Variants in KIDINS220 observed in about 807,000 individuals in gnomAD.
KIDINS220 encodes the protein kinase D-interacting substrate of 220 kDa.
Under a neutral mutation model 157.6 loss-of-function variants are expected in KIDINS220, and 63 were observed. The observed-to-expected ratio is 0.40, with a 90% CI of 0.33 to 0.49. KIDINS220 has a LOEUF of 0.49. Ranked by LOEUF, KIDINS220 falls within the 20% of genes least tolerant of loss-of-function variation. The pLI is 0.66. For synonymous variants in KIDINS220, 732 were observed against 783.6 expected (o/e 0.93, Z 1.10); for missense variants, 1,772 against 2,171.2 (o/e 0.82, Z 3.65).
chr2:8,809,591 C>T (rs1384916218), intron 6 of KIDINS220, among the ~76,000 whole-genome samples: 3 of 151,694 alleles, frequency 2.0e-5, no homozygotes, highest in Non-Finnish European at 2.9e-5. Flanking sequence ...AATCCGCATT[C>T]ACATCATTTC....
At chr2:8,801,200 T>G (rs763122978) in intron 8 of KIDINS220, among the ~76,000 whole-genome samples, 8 of 152,350 alleles carry the variant, frequency 5.3e-5, no homozygotes, top group South Asian at 2.1e-4. Flanking sequence ...CATAAATATT[T>G]TATTATTTAC....
At chr2:8,787,121 C>T (rs1672519810) in intron 15 of KIDINS220, among the ~76,000 whole-genome samples, 1 of 151,880 alleles carries the variant, frequency 6.6e-6, no homozygotes, top group Non-Finnish European at 1.5e-5. Context: ...AAAAATACCA[C>T]CTCATTAATT....
At chr2:8,834,388 G>A (rs1462969367) in intron 1 of KIDINS220, among the ~76,000 whole-genome samples, 1 of 151,692 alleles carries the variant, frequency 6.6e-6, no homozygotes, top group Non-Finnish European at 1.5e-5. Context: ...GTGACTTTCT[G>A]TACATACGTC....
downstream of KIDINS220, chr2:8,725,650 A>C (rs892169258): frequency 6.6e-6 from 1 of 152,236 alleles, no homozygotes. Context: ...GGGTACTAAG[A>C]TCTACAGCGC....
chr2:8,745,048 A>C (rs1666351197), intron 26 of KIDINS220, among the ~76,000 whole-genome samples: 1 of 152,170 alleles, frequency 6.6e-6, no homozygotes, highest in African/African-American at 2.4e-5. Context: ...TCATTTCAAA[A>C]TTTGCCTAAT....
chr2:8,831,667 A>C (rs938698852), intron 1 of KIDINS220, among the ~76,000 whole-genome samples: 3 of 152,104 alleles, frequency 2.0e-5, no homozygotes, highest in African/African-American at 7.2e-5. Context: ...TCTCCCTTAG[A>C]CTAGAAGTTC....
chr2:8,744,663 T>C (rs577125663), intron 26 of KIDINS220, among the ~76,000 whole-genome samples: 9 of 151,796 alleles, frequency 5.9e-5, no homozygotes, highest in Admixed American at 2.0e-4. Flanking sequence ...CAGAGCTCGA[T>C]GGGCTACACA....
chr2:8,721,264 C>T (rs756396802), downstream of KIDINS220: 3 of 152,148 alleles, frequency 2.0e-5, no homozygotes, highest in Admixed American at 6.5e-5. Flanking sequence ...TGACAAGAGA[C>T]ATATGAAAGG....
intron 5 of KIDINS220, 100 bp downstream of exon 5, chr2:8,813,137 A>C (rs1676563544): frequency 1.5e-6 from 1 of 671,884 alleles, no homozygotes; most frequent in Non-Finnish European, 2.6e-6. Flanking sequence ...AAGATAAAGA[A>C]TATTTCTACC....
At chr2:8,759,294 T>C (rs751789064) in intron 22 of KIDINS220, among the ~76,000 whole-genome samples, 10 of 152,114 alleles carry the variant, frequency 6.6e-5, no homozygotes, top group Non-Finnish European at 1.3e-4. Flanking sequence ...TAAAAGCACT[T>C]GTATAAGCTG....
intron 22 of KIDINS220, among the ~76,000 whole-genome samples, chr2:8,769,742 C>G (rs1370715452): frequency 6.6e-6 from 1 of 152,030 alleles, no homozygotes; most frequent in Non-Finnish European, 1.5e-5. Flanking sequence ...ACTACAGAAC[C>G]AAGAGAAAAA....
chr2:8,736,033 G>A (rs1390106166), intron 27 of KIDINS220, among the ~76,000 whole-genome samples: 2 of 152,216 alleles, frequency 1.3e-5, no homozygotes, highest in African/African-American at 2.4e-5. Context: ...GGACTAGCAC[G>A]AGCCAGCTCT....
intron 22 of KIDINS220, among the ~76,000 whole-genome samples, chr2:8,764,609 A>ATCT (rs1669213248): frequency 6.6e-6 from 1 of 152,220 alleles, no homozygotes; most frequent in South Asian, 2.1e-4. Context: ...TGTACTGAGA[A>ATCT]GCTACTATGT....
intron 9 of KIDINS220, among the ~76,000 whole-genome samples, chr2:8,798,868 G>A (rs1322973289): frequency 2.0e-5 from 3 of 152,008 alleles, no homozygotes; most frequent in African/African-American, 7.3e-5. Flanking sequence ...ACAAAAAAAC[G>A]AACTCAAACA....
intron 22 of KIDINS220, chr2:8,757,348 C>A: frequency 9.5e-7 from 1 of 1,054,374 alleles, no homozygotes; most frequent in East Asian, 8.3e-5. Flanking sequence ...ATTACCCTTT[C>A]AACTAAATAT....
intron 15 of KIDINS220, among the ~76,000 whole-genome samples, chr2:8,788,244 A>T (rs1462143578): frequency 6.6e-6 from 1 of 151,922 alleles, no homozygotes; most frequent in Admixed American, 6.6e-5. Context: ...TTTTTGGAAC[A>T]TACATTGAGA....
At chr2:8,831,477 A>C (rs1018960010) in intron 1 of KIDINS220, among the ~76,000 whole-genome samples, 2 of 152,154 alleles carry the variant, frequency 1.3e-5, no homozygotes, top group African/African-American at 2.4e-5. Context: ...ATATGCCTGA[A>C]CAGCTCCTAC....
intron 6 of KIDINS220, among the ~76,000 whole-genome samples, chr2:8,811,274 A>T (rs1407156845): frequency 6.6e-6 from 1 of 150,668 alleles, no homozygotes. Context: ...CGCTACTGGA[A>T]ATAATGGAGG....
intron 2 of KIDINS220, among the ~76,000 whole-genome samples, chr2:8,823,323 T>G (rs1045856958): frequency 6.6e-6 from 1 of 151,178 alleles, no homozygotes; most frequent in African/African-American, 2.4e-5. Flanking sequence ...CACATTAACA[T>G]GAAGTTACAT....
Sources: gnomAD v4.1 joint callset for allele counts (sites outside exome capture counted in the v4.1 genomes callset) on GRCh38, gnomAD v4.1.1 for gene constraint, MANE v1.5 for transcripts, NCBI Gene and HGNC (gene_info 2026-07-23, HGNC 2026-07-21) for gene names.